Variants in SLC24A2 observed in about 807,000 individuals in gnomAD.
SLC24A2 encodes the protein sodium/potassium/calcium exchanger 2.
Under a neutral mutation model 62.0 loss-of-function variants are expected in SLC24A2, and 36 were observed. That is an observed-to-expected ratio of 0.58 (90% CI 0.44 to 0.77). The LOEUF (loss-of-function observed/expected upper bound fraction) is 0.77, where lower values mean the gene tolerates loss of function less well. Among genes scored for constraint, SLC24A2 ranks in the 30% least tolerant of loss-of-function variants. The pLI is 0.00. For synonymous variants in SLC24A2, 358 were observed against 294.0 expected, an observed-to-expected ratio of 1.22 and a Z score of -2.23; for missense variants, 846 against 817.9, an observed-to-expected ratio of 1.03 and a Z score of -0.42.
the SLC24A2 span, among the ~76,000 whole-genome samples, chr9:20,134,574 AT>A: frequency 3.3e-5 from 5 of 152,280 alleles, no homozygotes; most frequent in Admixed American, 3.3e-4. Context: ...GGATTTAGAG[AT>A]TGGTAGGAAT....
At chr9:20,064,164 T>C in the SLC24A2 span, among the ~76,000 whole-genome samples, 12 of 152,198 alleles carry the variant, frequency 7.9e-5, no homozygotes, top group African/African-American at 2.4e-4. Context: ...CACTGATACA[T>C]GTTAAAATAT....
chr9:19,682,602 A>G (rs1236867006), intron 2 of SLC24A2, among the ~76,000 whole-genome samples: 3 of 152,160 alleles, frequency 2.0e-5, no homozygotes, highest in Admixed American at 1.3e-4. Context: ...TAACCACTAC[A>G]TTATATAGTG....
At chr9:19,635,746 T>G (rs1045115058) in intron 2 of SLC24A2, among the ~76,000 whole-genome samples, 1 of 152,242 alleles carries the variant, frequency 6.6e-6, no homozygotes, top group African/African-American at 2.4e-5. Flanking sequence ...ACATTTTCTA[T>G]GTTGGCTTTA....
At chr9:20,289,974 C>A in the SLC24A2 span, among the ~76,000 whole-genome samples, 196 of 152,224 alleles carry the variant, frequency 1.3e-3, no homozygotes, top group Non-Finnish European at 2.1e-3. Context: ...TCACACAGTG[C>A]TCATAAATCA....
chr9:20,095,149 G>T, the SLC24A2 span, among the ~76,000 whole-genome samples: 47 of 152,148 alleles, frequency 3.1e-4, 1 homozygote, highest in East Asian at 8.7e-3. Context: ...TTTTTGTTTT[G>T]TTTTGGAATA....
the SLC24A2 span, among the ~76,000 whole-genome samples, chr9:20,204,544 A>C: frequency 6.6e-6 from 1 of 152,112 alleles, no homozygotes; most frequent in African/African-American, 2.4e-5. Flanking sequence ...TCCTGGACCA[A>C]CTTTGCTGAT....
chr9:20,235,183 T>C, the SLC24A2 span, among the ~76,000 whole-genome samples: 7 of 152,238 alleles, frequency 4.6e-5, no homozygotes, highest in Non-Finnish European at 1.0e-4. Flanking sequence ...AGGGACCCAC[T>C]TGAGGAGGCA....
chr9:19,834,716 T>C, the SLC24A2 span, among the ~76,000 whole-genome samples: 2 of 152,096 alleles, frequency 1.3e-5, no homozygotes, highest in Non-Finnish European at 2.9e-5. Context: ...ATTCAGGAAA[T>C]ACAGAGAACG....
At chr9:19,730,553 A>T (rs1180300962) in intron 2 of SLC24A2, among the ~76,000 whole-genome samples, 2 of 152,288 alleles carry the variant, frequency 1.3e-5, no homozygotes, top group African/African-American at 4.8e-5. Context: ...AAAATGAGGT[A>T]AGTTTATACA....
rs561110813 is a variant in SLC24A2 at position 19,650,779 on chromosome 9, C to T, written c.931-28480G>A. 2.6e-5 allele frequency among the ~76,000 whole-genome samples: 4 copies of T among 151,204 alleles called. No homozygotes were observed. In the South Asian group the frequency reaches 8.4e-4, roughly 32 times the overall value. On this transcript the variant is annotated intron_variant, in intron 2 of 10. Coordinates refer to ENST00000341998, the MANE Select transcript of SLC24A2 (RefSeq NM_020344.4). ...ACAAACAGCAACTAGGATTCACAAC[C>T]GAAATAAAAATTAATTCACAGGCAT...
At chr9:19,827,393 G>A in the SLC24A2 span, among the ~76,000 whole-genome samples, 2 of 152,068 alleles carry the variant, frequency 1.3e-5, no homozygotes, top group Non-Finnish European at 2.9e-5. Context: ...CCTGAGAATG[G>A]CAAATTAGGG....
the SLC24A2 span, among the ~76,000 whole-genome samples, chr9:20,197,823 A>T: frequency 6.6e-6 from 1 of 152,206 alleles, no homozygotes; most frequent in Admixed American, 6.5e-5. Context: ...AAACACAAGC[A>T]GGATTGGTTC....
the SLC24A2 span, among the ~76,000 whole-genome samples, chr9:19,909,995 T>A: frequency 6.6e-6 from 1 of 152,128 alleles, no homozygotes; most frequent in South Asian, 2.1e-4. Flanking sequence ...CTCAAAATAA[T>A]ATTTATTGAG....
At chr9:19,777,249 T>C (rs900091244) in intron 2 of SLC24A2, among the ~76,000 whole-genome samples, 1 of 152,202 alleles carries the variant, frequency 6.6e-6, no homozygotes, top group Non-Finnish European at 1.5e-5. Context: ...TTCATAAACA[T>C]ATGTTTCAAA....
chr9:19,949,522 T>C, the SLC24A2 span, among the ~76,000 whole-genome samples: 1 of 152,246 alleles, frequency 6.6e-6, no homozygotes, highest in African/African-American at 2.4e-5. Context: ...CAATCTATAT[T>C]CTTCCATTTG....
intron 2 of SLC24A2, among the ~76,000 whole-genome samples, chr9:19,718,883 G>T (rs933449509): frequency 1.3e-5 from 2 of 152,164 alleles, no homozygotes. Flanking sequence ...ATTTATGCTG[G>T]TTTCTTGCCG....
At chr9:20,159,045 A>C in the SLC24A2 span, among the ~76,000 whole-genome samples, 1 of 151,708 alleles carries the variant, frequency 6.6e-6, no homozygotes, top group Non-Finnish European at 1.5e-5. Context: ...CGAGTTCTCA[A>C]TAGCAACATA....
At chr9:19,847,932 C>G in the SLC24A2 span, among the ~76,000 whole-genome samples, 1 of 152,178 alleles carries the variant, frequency 6.6e-6, no homozygotes, top group Non-Finnish European at 1.5e-5. Flanking sequence ...GGCTCTCAGC[C>G]TCGGATGGCG....
At chr9:19,546,897 C>G (rs371501519) in intron 8 of SLC24A2, among the ~76,000 whole-genome samples, 2 of 152,158 alleles carry the variant, frequency 1.3e-5, no homozygotes, top group Non-Finnish European at 2.9e-5. Flanking sequence ...TGCACTGTTC[C>G]TCATGGCACA....
Sources: allele counts gnomAD v4.1 joint callset (sites outside exome capture counted in the v4.1 genomes callset), GRCh38; gene constraint gnomAD v4.1.1; transcripts MANE v1.5; gene names NCBI Gene and HGNC (gene_info 2026-07-23, HGNC 2026-07-21).